Variants in MEF2C observed in about 807,000 individuals in gnomAD.
MEF2C encodes the protein myocyte-specific enhancer factor 2C.
Under a neutral mutation model 50.5 loss-of-function variants are expected in MEF2C, and 6 were observed. The ratio of observed to expected loss-of-function variants is 0.12; its 90% confidence interval spans 0.07 to 0.23. The LOEUF (loss-of-function observed/expected upper bound fraction) is 0.23, where lower values mean the gene tolerates loss of function less well. Among genes scored for constraint, MEF2C ranks in the 10% least tolerant of loss-of-function variants. MEF2C has a pLI of 1.00. For synonymous variants in MEF2C, 183 were observed against 228.0 expected, an observed-to-expected ratio of 0.80 and a Z score of 1.78; for missense variants, 276 against 605.0, an observed-to-expected ratio of 0.46 and a Z score of 5.70.
chr5:88,781,828 C>T (rs1788217568), intron 3 of MEF2C, among the ~76,000 whole-genome samples: 1 of 152,060 alleles, frequency 6.6e-6, no homozygotes, highest in African/African-American at 2.4e-5. Flanking sequence ...CAAAAATTAG[C>T]CAGGTGTGGT....
rs1024383401 is a variant in MEF2C, at chr5:88,825,412, T to A, written c.-142-1482A>T. ...TCTCTACTAAACTGCAGCTCAGTTC[T>A]GCCTCTCATAATATGTATGTTGAGT... On this transcript the variant is annotated intron_variant, in intron 1 of 10. Coordinates refer to ENST00000504921, the MANE Select transcript of MEF2C (RefSeq NM_002397.5). 3.5e-6 allele frequency: 3 copies of A among 869,380 alleles called. No individual in the cohort carries two copies. The African/African-American group carries it at 5.5e-5, about 16-fold the overall frequency. The allele number at this position is 869,380 out of a possible 1,614,324, so 53.9% of individuals were successfully genotyped here. A position where few individuals can be genotyped will look rare whatever the true frequency, so the allele number is the denominator to read the frequency against.
chr5:88,735,672 A>G, intron 6 of MEF2C: 1 of 985,450 alleles, frequency 1.0e-6, no homozygotes, highest in Non-Finnish European at 1.2e-6. Flanking sequence ...GTCAATACAT[A>G]GAACTTGAAT....
In MEF2C at chr5:88,766,912, G is replaced by C. The variant is rs1780308386; in HGVS notation, c.259-5584C>G. On this transcript the variant is annotated intron_variant, in intron 3 of 10. Transcript: ENST00000504921. ...ATCATTTTTTTGCTTGTCGTTCACA[G>C]CTTTATGAAGATAAGTATCTACTCT... is the stretch of plus-strand genomic sequence containing the variant. The C allele has an allele frequency of 6.3e-6, 4 of 630,658 alleles. No homozygotes were observed. The South Asian group carries it at 2.8e-4, about 45-fold the overall frequency. The allele number at this position is 630,658 out of a possible 1,614,324, so 39.1% of individuals were successfully genotyped here.
intron 3 of MEF2C, among the ~76,000 whole-genome samples, chr5:88,769,639 T>C (rs1781526905): frequency 6.6e-6 from 1 of 152,158 alleles, no homozygotes; most frequent in South Asian, 2.1e-4. Flanking sequence ...TATCTATATC[T>C]ATAGCTATAG....
At chr5:88,864,365 T>C (rs1826548772) in intron 1 of MEF2C, among the ~76,000 whole-genome samples, 1 of 151,746 alleles carries the variant, frequency 6.6e-6, no homozygotes, top group South Asian at 2.1e-4. Flanking sequence ...TTCTTTTAAC[T>C]AGTGGTTCTC....
intron 1 of MEF2C, among the ~76,000 whole-genome samples, chr5:88,894,018 A>G (rs1396880425): frequency 6.6e-6 from 1 of 152,218 alleles, no homozygotes; most frequent in Admixed American, 6.5e-5. Flanking sequence ...TCTGGAGTAT[A>G]TATGCAAAAA....
At chr5:88,857,675 T>C (rs1382221491) in intron 1 of MEF2C, among the ~76,000 whole-genome samples, 1 of 152,188 alleles carries the variant, frequency 6.6e-6, no homozygotes, top group Non-Finnish European at 1.5e-5. Flanking sequence ...AGATCTGATG[T>C]TTTTATAAGG....
At chr5:88,830,236 C>A (rs1812507970) in intron 1 of MEF2C, among the ~76,000 whole-genome samples, 1 of 152,036 alleles carries the variant, frequency 6.6e-6, no homozygotes, top group Non-Finnish European at 1.5e-5. Context: ...TTCCCCATGA[C>A]CACGGCTGCT....
chr5:88,857,055 G>C (rs552931892), intron 1 of MEF2C, among the ~76,000 whole-genome samples: 1 of 152,320 alleles, frequency 6.6e-6, no homozygotes, highest in Non-Finnish European at 1.5e-5. Flanking sequence ...CCAGGATTGG[G>C]GGGCTGGGGG....
chr5:88,864,429 T>A (rs890753604), intron 1 of MEF2C, among the ~76,000 whole-genome samples: 1 of 151,876 alleles, frequency 6.6e-6, no homozygotes, highest in Non-Finnish European at 1.5e-5. Flanking sequence ...CTGCAATACC[T>A]GGATGGCAGG....
chr5:88,737,332 A>C (rs1212512248), intron 6 of MEF2C: 1 of 985,388 alleles, frequency 1.0e-6, no homozygotes. Context: ...CACCTACTAA[A>C]TTTGTTTATA....
At chr5:88,773,931 C>T (rs1237434007) in intron 3 of MEF2C, among the ~76,000 whole-genome samples, 1 of 152,178 alleles carries the variant, frequency 6.6e-6, no homozygotes, top group Non-Finnish European at 1.5e-5. Flanking sequence ...ACTGGCAAAC[C>T]TTCTGCTTAA....
At chr5:88,775,526 G>A (rs1381699746) in intron 3 of MEF2C, among the ~76,000 whole-genome samples, 1 of 151,856 alleles carries the variant, frequency 6.6e-6, no homozygotes, top group Admixed American at 6.6e-5. Context: ...TGCTAATCAA[G>A]GCCTATATAG....
chr5:88,831,287 T>C (rs1812905103), intron 1 of MEF2C, among the ~76,000 whole-genome samples: 1 of 151,836 alleles, frequency 6.6e-6, no homozygotes, highest in Non-Finnish European at 1.5e-5. Flanking sequence ...ACAATAAGAG[T>C]ACATTTTAAG....
rs907479065 is a variant in MEF2C at position 88,781,576 on chromosome 5, G to A, written c.259-20248C>T. 5.9e-5 allele frequency among the ~76,000 whole-genome samples: 9 copies of A among 152,272 alleles called. No individual in the cohort carries two copies. In the South Asian group the frequency reaches 1.7e-3, roughly 28 times the overall value. On this transcript the variant is annotated intron_variant, in intron 3 of 10. Transcript: ENST00000504921. ...CACCACACTGTCTTTTTTATGAAAG[G>A]GCAGGGCTTTTATTATATGGATGTG...
At chr5:88,894,364 T>C (rs1214434013) in intron 1 of MEF2C, among the ~76,000 whole-genome samples, 1 of 152,232 alleles carries the variant, frequency 6.6e-6, no homozygotes, top group East Asian at 1.9e-4. Context: ...ATAGTGATAA[T>C]ATAATAGATA....
At chr5:88,834,698 C>T (rs1485805372) in intron 1 of MEF2C, among the ~76,000 whole-genome samples, 1 of 152,044 alleles carries the variant, frequency 6.6e-6, no homozygotes, top group Non-Finnish European at 1.5e-5. Flanking sequence ...AGCCCTAATC[C>T]ACAATGGAGT....
intron 6 of MEF2C, chr5:88,738,533 T>C (rs779892128): frequency 8.2e-5 from 73 of 893,330 alleles, no homozygotes; most frequent in Non-Finnish European, 9.6e-5. Flanking sequence ...CAAACAGCTA[T>C]CAACTGGTGA....
chr5:88,727,791 A>T (rs1332034408), intron 10 of MEF2C, among the ~76,000 whole-genome samples: 3 of 122,460 alleles, frequency 2.4e-5, no homozygotes, highest in African/African-American at 5.2e-5. Flanking sequence ...GATTTGTTTT[A>T]TATGAAATAG....
Sources: allele counts gnomAD v4.1 joint callset (sites outside exome capture counted in the v4.1 genomes callset), GRCh38; gene constraint gnomAD v4.1.1; transcripts MANE v1.5; gene names NCBI Gene and HGNC (gene_info 2026-07-23, HGNC 2026-07-21).